Variants in PMPCB observed in about 807,000 individuals in gnomAD.
The protein encoded by PMPCB is peptidase, mitochondrial processing subunit beta, also known as mitochondrial-processing peptidase subunit beta.
A neutral mutation model predicts 61.5 loss-of-function variants in PMPCB; 46 were observed. The ratio of observed to expected loss-of-function variants is 0.75; its 90% CI spans 0.59 to 0.96. The LOEUF (loss-of-function observed/expected upper bound fraction) is 0.96. Ranked by LOEUF, PMPCB falls within the 40% of genes least tolerant of loss-of-function variation. The pLI is 0.00. For missense variants in PMPCB, 590 were observed against 602.4 expected (o/e 0.98, Z 0.22); for synonymous variants, 191 against 201.6 (o/e 0.95, Z 0.44).
chr7:103,312,885 G>A lies in PMPCB; in HGVS notation c.*614G>A, dbSNP rs1817832034. The A allele has an allele frequency of 4.5e-6, 7 of 1,563,272 alleles. No individual in the cohort carries two copies. Among genetic ancestry groups the A allele is most frequent in the East Asian group, 2.2e-5 (1 of 44,648 alleles). ...TAACCACTTAATAGACATAAAATAT[G>A]AGCTATATCACCCAAGCTACAATTT... is the stretch of plus-strand genomic sequence containing the variant. On this transcript the variant is annotated 3_prime_UTR_variant, in exon 13 of 13. Transcript: ENST00000249269.
At position 103,310,300 on chromosome 7, in the gene PMPCB, T is replaced by C; in HGVS notation, c.994-15T>C. 1 of 1,606,452 alleles carries C rather than the reference T, an allele frequency of 6.2e-7. No homozygotes were observed. Among genetic ancestry groups the C allele is most frequent in the Admixed American group, 1.7e-5 (1 of 58,526 alleles). On this transcript the variant is annotated splice_polypyrimidine_tract_variant and intron_variant, in intron 8 of 12. Transcript: ENST00000249269. ...GTATAATTAAAATTCTCTTGGAATT[T>C]TTTTTTCCTTGCAGAATTTATCTAG... is the stretch of plus-strand genomic sequence containing the variant.
chr7:103,342,395 T>A, the PMPCB span, among the ~76,000 whole-genome samples: 24 of 151,616 alleles, frequency 1.6e-4, no homozygotes, highest in African/African-American at 5.8e-4. Flanking sequence ...CGTCTCCACC[T>A]CCCGGGTTCA....
chr7:103,317,010 T>C, downstream of PMPCB: 1 of 1,612,668 alleles, frequency 6.2e-7, no homozygotes, highest in Non-Finnish European at 8.5e-7. Context: ...ATTTATTTCT[T>C]CTATCTGCAC....
intron 12 of PMPCB, chr7:103,322,680 G>A: frequency 1.2e-6 from 2 of 1,612,018 alleles, no homozygotes; most frequent in Non-Finnish European, 1.7e-6. Context: ...AACATTTAGG[G>A]GACTTAAATC....
chr7:103,297,763 G>A (rs1051629560), intron 1 of PMPCB: 1 of 1,533,018 alleles, frequency 6.5e-7, no homozygotes, highest in Non-Finnish European at 8.7e-7. Context: ...TGCTAGTGAC[G>A]TGTGGGATGA....
downstream of PMPCB, among the ~76,000 whole-genome samples, chr7:103,318,234 T>C (rs974726271): frequency 6.6e-6 from 1 of 152,106 alleles, no homozygotes; most frequent in East Asian, 1.9e-4. Flanking sequence ...GACATGATCA[T>C]AGCTCACTGC....
chr7:103,314,448 A>T lies in PMPCB; in HGVS notation c.*2177A>T, dbSNP rs1296740765. The T allele has an allele frequency of 1.0e-6, 1 of 985,292 alleles. No homozygotes were observed. The highest frequency in any genetic ancestry group is 6.1e-5 in the Admixed American group (1 of 16,264). The allele number at this position is 985,292 out of a possible 1,614,324, so 61.0% of individuals were successfully genotyped here. On this transcript the variant is annotated 3_prime_UTR_variant, in exon 13 of 13. Coordinates refer to ENST00000249269, the MANE Select transcript of PMPCB (RefSeq NM_004279.3). ...ACTACTGCCAGTCACTCTTGCCTTC[A>T]CAGGGTCACCTCTCCTCACAGAAAG...
intron 1 of PMPCB, chr7:103,297,968 G>C: frequency 8.4e-7 from 1 of 1,193,932 alleles, no homozygotes; most frequent in Non-Finnish European, 1.1e-6. Context: ...AATTTTTTAT[G>C]TATTTGCATT....
rs1817359041 is a variant in PMPCB, at chr7:103,298,602, C to G, written c.134C>G (p.Thr45Arg). The G allele has an allele frequency of 1.2e-6, 2 of 1,613,870 alleles. No individual in the cohort carries two copies. The highest frequency in any genetic ancestry group is 2.7e-5 in the African/African-American group (2 of 74,916). Residue 45 changes from threonine to arginine, a missense_variant, in exon 2 of 13, where the codon ACA (threonine) becomes AGA (arginine). Transcript: ENST00000249269. The stretch of plus-strand genomic sequence containing the variant: ...TTTGGAGAGAACAGATTAAGAAGTA[C>G]ACAGGCTGCTACCCAAGTTGTTCTG... Reference protein sequence around the residue: ...LYFGENRLRSTQAATQVVLNV... With the variant: ...LYFGENRLRSRQAATQVVLNV...
At chr7:103,324,641 AAAC>A in intron 12 of PMPCB, 1 of 1,204,748 alleles carries the variant, frequency 8.3e-7, no homozygotes, top group South Asian at 2.0e-5. Flanking sequence ...AATTTATTAA[AAAC>A]AATAATTTTT....
At position 103,313,759 on chromosome 7, in the gene PMPCB, T is replaced by A. The variant is rs1013442838; in HGVS notation, c.*1488T>A. On this transcript the variant is annotated 3_prime_UTR_variant, in exon 13 of 13. Transcript: ENST00000249269. ...TAAACCTTGTATATTTCAGAAAACATCTAAGATGTGTGTCAGAAACAAATA... is the reference window on the plus strand; with the variant it reads ...TAAACCTTGTATATTTCAGAAAACAACTAAGATGTGTGTCAGAAACAAATA... 6.1e-6 allele frequency: 6 copies of A among 985,222 alleles called. No homozygotes were observed. In the African/African-American group the frequency reaches 1.0e-4, roughly 17 times the overall value. 61.0% of individuals were successfully genotyped at this position (985,222 alleles called of 1,614,324 possible).
chr7:103,338,110 A>T, the PMPCB span, among the ~76,000 whole-genome samples: 6 of 151,968 alleles, frequency 3.9e-5, no homozygotes, highest in Non-Finnish European at 7.4e-5. Context: ...CTACAAAAAA[A>T]TTTTTAAAAA....
At chr7:103,326,136 G>A (rs1818692630) in intron 12 of PMPCB, among the ~76,000 whole-genome samples, 1 of 151,802 alleles carries the variant, frequency 6.6e-6, no homozygotes, top group African/African-American at 2.4e-5. Context: ...GCACCTCCAC[G>A]GCCAGCTAAT....
the PMPCB span, chr7:103,336,082 G>A: frequency 3.3e-5 from 5 of 152,410 alleles, no homozygotes; most frequent in Non-Finnish European, 5.9e-5. Context: ...CAGGAGAATC[G>A]CTTGAACCTG....
Position 103,310,476 on chromosome 7 carries a change from G to T in PMPCB, c.1154+1G>T. 6.3e-7 allele frequency: 1 copy of T among 1,592,652 alleles called. No homozygotes were observed. The highest frequency in any genetic ancestry group is 8.5e-7 in the Non-Finnish European group (1 of 1,171,730). On this transcript the variant is annotated splice_donor_variant, in intron 9 of 12. Transcript: ENST00000249269. LOFTEE classifies it high-confidence loss of function. Reference sequence around the variant, plus strand: ...TGCTACATGTTGTTCAAAAAGAATGGTGAGAAAAATAGCTTTAAGTAATTT... The same window carrying T: ...TGCTACATGTTGTTCAAAAAGAATGTTGAGAAAAATAGCTTTAAGTAATTT...
Position 103,313,977 on chromosome 7 carries a change from T to TTAAAG in PMPCB, c.*1710_*1711insGTAAA. 1.0e-6 allele frequency: 1 copy of TTAAAG among 985,342 alleles called. No individual in the cohort carries two copies. The highest frequency in any genetic ancestry group is 4.7e-5 in the South Asian group (1 of 21,282). The allele number at this position is 985,342 out of a possible 1,614,324, so 61.0% of individuals were successfully genotyped here. A position where few individuals can be genotyped will look rare whatever the true frequency, so the allele number is the denominator to read the frequency against. ...TAGAAACTGCGGCCTGTGAGATCTG[T>TTAAAG]TAAAAGTTAAGCCTAGAAACCAAAG... On this transcript the variant is annotated 3_prime_UTR_variant, in exon 13 of 13. Transcript: ENST00000249269.
At chr7:103,321,388 G>A (rs1586078812) in intron 12 of PMPCB, among the ~76,000 whole-genome samples, 1 of 147,118 alleles carries the variant, frequency 6.8e-6, no homozygotes, top group African/African-American at 2.5e-5. Flanking sequence ...CGTGGTGGCA[G>A]GCACCTGTAA....
Position 103,298,641 on chromosome 7 carries a change from CAA to C in PMPCB, c.174_175del (p.Arg59SerfsTer27). On this transcript the variant is annotated frameshift_variant, in exon 2 of 13. Coordinates refer to ENST00000249269, the MANE Select transcript of PMPCB (RefSeq NM_004279.3). LOFTEE classifies it high-confidence loss of function. Reference sequence around the variant, plus strand: ...CAAGTTGTTCTGAATGTTCCTGAAACAAGAGTAACATGTTTAGAAAGTGGACT... The same window carrying C: ...CAAGTTGTTCTGAATGTTCCTGAAACGAGTAACATGTTTAGAAAGTGGACT... 1 of 1,613,874 alleles carries C rather than the reference CAA, an allele frequency of 6.2e-7. No individual in the cohort carries two copies. Among genetic ancestry groups the C allele is most frequent in the Non-Finnish European group, 8.5e-7 (1 of 1,179,742 alleles).
intron 12 of PMPCB, among the ~76,000 whole-genome samples, chr7:103,325,219 G>A (rs1486632958): frequency 3.3e-5 from 5 of 152,150 alleles, no homozygotes; most frequent in South Asian, 2.1e-4. Context: ...CGAGGCCAGC[G>A]GATCACCTGA....
Sources: allele counts gnomAD v4.1 joint callset (sites outside exome capture counted in the v4.1 genomes callset), GRCh38; gene constraint gnomAD v4.1.1; transcripts MANE v1.5; gene names NCBI Gene and HGNC (gene_info 2026-07-23, HGNC 2026-07-21).